The following CHN2 variants were observed in gnomAD, a reference collection of about 807,000 sequenced individuals.
The protein encoded by CHN2 is chimerin 2, also known as beta-chimaerin.
CHN2 carries 35 observed loss-of-function variants against 56.3 expected under a neutral mutation model. The observed-to-expected ratio is 0.62, with a 90% confidence interval of 0.47 to 0.82. The LOEUF is 0.82. Ranked by LOEUF, CHN2 falls within the 40% of genes least tolerant of loss-of-function variation. CHN2 has a pLI of 0.00. For synonymous variants in CHN2, 210 were observed against 212.8 expected, an observed-to-expected ratio of 0.99 and a Z score of 0.12; for missense variants, 491 against 580.5, an observed-to-expected ratio of 0.85 and a Z score of 1.58.
chr7:29,457,116 T>C (rs1156613414), intron 6 of CHN2, among the ~76,000 whole-genome samples: 1 of 152,214 alleles, frequency 6.6e-6, no homozygotes, highest in Non-Finnish European at 1.5e-5. Flanking sequence ...GCACGGGCGA[T>C]GGCCTGCAGC....
At chr7:29,336,514 G>A (rs1445145810) in intron 1 of CHN2, among the ~76,000 whole-genome samples, 1 of 152,000 alleles carries the variant, frequency 6.6e-6, no homozygotes, top group African/African-American at 2.4e-5. Flanking sequence ...GGGAAGCCAA[G>A]GTGGAAGGAT....
At chr7:29,256,675 T>C (rs1405556978) in intron 1 of CHN2, among the ~76,000 whole-genome samples, 1 of 152,194 alleles carries the variant, frequency 6.6e-6, no homozygotes, top group Non-Finnish European at 1.5e-5. Flanking sequence ...AGGTAAATTA[T>C]GGCTACATCA....
At chr7:29,317,027 T>G (rs1795001297) in intron 1 of CHN2, among the ~76,000 whole-genome samples, 1 of 152,366 alleles carries the variant, frequency 6.6e-6, no homozygotes, top group Middle Eastern at 3.4e-3. Context: ...AATAATAATT[T>G]GCTTAAGACA....
intron 7 of CHN2, among the ~76,000 whole-genome samples, chr7:29,486,701 T>C (rs1181569276): frequency 2.0e-5 from 3 of 152,152 alleles, no homozygotes; most frequent in African/African-American, 7.2e-5. Flanking sequence ...CCCGTTCCCA[T>C]GGCACACCCC....
At chr7:29,504,458 C>G (rs375459939) in intron 9 of CHN2, among the ~76,000 whole-genome samples, 1 of 152,134 alleles carries the variant, frequency 6.6e-6, no homozygotes, top group Non-Finnish European at 1.5e-5. Flanking sequence ...AGTAAGGGAA[C>G]GGTCCATGGG....
chr7:29,263,111 C>T (rs1190910279), intron 1 of CHN2, among the ~76,000 whole-genome samples: 2 of 152,222 alleles, frequency 1.3e-5, no homozygotes, highest in Admixed American at 1.3e-4. Flanking sequence ...GCCATCTCGG[C>T]TCACTGCAGC....
At chr7:29,221,538 G>C (rs1215916406) in intron 1 of CHN2, among the ~76,000 whole-genome samples, 1 of 152,046 alleles carries the variant, frequency 6.6e-6, no homozygotes, top group Non-Finnish European at 1.5e-5. Context: ...ATGTGCCATG[G>C]TGGTTTGCTA....
At chr7:29,223,018 A>T (rs1175626385) in intron 1 of CHN2, among the ~76,000 whole-genome samples, 2 of 152,156 alleles carry the variant, frequency 1.3e-5, no homozygotes, top group African/African-American at 2.4e-5. Context: ...GGAAAAGTAC[A>T]CTCAACCCAA....
chr7:29,308,487 A>T (rs1462859532), intron 1 of CHN2, among the ~76,000 whole-genome samples: 1 of 152,082 alleles, frequency 6.6e-6, no homozygotes, highest in African/African-American at 2.4e-5. Flanking sequence ...GTGTGTTGGG[A>T]TAGGAATTGG....
chr7:29,480,162 CG>C (rs1562641711), intron 6 of CHN2, 116 bp from the exon 7 acceptor site: 1 of 1,591,990 alleles, frequency 6.3e-7, no homozygotes, highest in Non-Finnish European at 8.6e-7. Context: ...TGCTGTGGTT[CG>C]GAAGTCTAAG....
chr7:29,414,028 T>G (rs1013447304), intron 6 of CHN2, among the ~76,000 whole-genome samples: 1 of 152,198 alleles, frequency 6.6e-6, no homozygotes, highest in Non-Finnish European at 1.5e-5. Context: ...TGTGTGCATT[T>G]TTAGCCTTGA....
chr7:29,210,874 T>C (rs903494556), intron 1 of CHN2, among the ~76,000 whole-genome samples: 1 of 151,962 alleles, frequency 6.6e-6, no homozygotes, highest in African/African-American at 2.4e-5. Context: ...AGAGTGTACC[T>C]GGTGTGTTCC....
intron 1 of CHN2, among the ~76,000 whole-genome samples, chr7:29,306,276 G>A (rs971354622): frequency 6.6e-6 from 1 of 152,148 alleles, no homozygotes; most frequent in Non-Finnish European, 1.5e-5. Context: ...TTTCCTGGGA[G>A]GATATCTGAA....
At chr7:29,290,795 TCAAC>T (rs1278428938) in intron 1 of CHN2, among the ~76,000 whole-genome samples, 9 of 152,042 alleles carry the variant, frequency 5.9e-5, no homozygotes. Context: ...AAGAAAAAAT[TCAAC>T]CAAGGGGCAT....
intron 1 of CHN2, among the ~76,000 whole-genome samples, chr7:29,305,822 C>CCTCCTCTTT (rs1554397344): frequency 7.2e-6 from 1 of 138,128 alleles, no homozygotes; most frequent in African/African-American, 2.8e-5. Context: ...TCGTCTTTCT[C>CCTCCTCTTT]CTCCTCCTCC....
intron 1 of CHN2, among the ~76,000 whole-genome samples, chr7:29,227,194 G>A (rs781535245): frequency 6.6e-6 from 1 of 152,184 alleles, no homozygotes; most frequent in African/African-American, 2.4e-5. Context: ...GCACCCCGCT[G>A]GCAGCAGGCA....
intron 7 of CHN2, among the ~76,000 whole-genome samples, chr7:29,484,532 TC>T (rs1394093465): frequency 6.6e-6 from 1 of 152,200 alleles, no homozygotes; most frequent in African/African-American, 2.4e-5. Flanking sequence ...CACTCCAATC[TC>T]TGCCTCCATC....
intron 1 of CHN2, among the ~76,000 whole-genome samples, chr7:29,297,896 TG>T (rs1793317185): frequency 6.6e-6 from 1 of 152,096 alleles, no homozygotes; most frequent in South Asian, 2.1e-4. Context: ...GGGTTCAGGA[TG>T]CATTTGAAAG....
chr7:29,373,792 C>A (rs1176486089), intron 3 of CHN2, among the ~76,000 whole-genome samples: 1 of 152,148 alleles, frequency 6.6e-6, no homozygotes, highest in African/African-American at 2.4e-5. Flanking sequence ...TCTTAACAGG[C>A]CATATTGATT....
Sources: allele counts gnomAD v4.1 joint callset (sites outside exome capture counted in the v4.1 genomes callset), GRCh38; gene constraint gnomAD v4.1.1; transcripts MANE v1.5; gene names NCBI Gene and HGNC (gene_info 2026-07-23, HGNC 2026-07-21).